Variants in ATF7 observed in about 807,000 individuals in gnomAD.
The protein encoded by ATF7 is activating transcription factor 7, also known as cyclic AMP-dependent transcription factor ATF-7.
A neutral mutation model predicts 50.4 loss-of-function variants in ATF7; 10 were observed. The ratio of observed to expected loss-of-function variants is 0.20; its 90% CI spans 0.12 to 0.34. The LOEUF (loss-of-function observed/expected upper bound fraction) is 0.34, where lower values mean the gene tolerates loss of function less well. Ranked by LOEUF, ATF7 falls within the 10% of genes least tolerant of loss-of-function variation. The pLI is 1.00. For synonymous variants in ATF7, 201 were observed against 226.4 expected, an observed-to-expected ratio of 0.89 and a Z score of 1.01; for missense variants, 465 against 613.9, an observed-to-expected ratio of 0.76 and a Z score of 2.56.
chr12:53,570,262 A>C (rs951621338), intron 2 of ATF7, among the ~76,000 whole-genome samples: 2 of 152,010 alleles, frequency 1.3e-5, no homozygotes, highest in Admixed American at 1.3e-4. Context: ...AGAACCTGCC[A>C]CTCCATTATA....
At position 53,573,599 on chromosome 12, in the gene ATF7, C is replaced by T. The variant is rs183012627; in HGVS notation, c.49-20962G>A. Among the ~76,000 whole-genome samples the T allele has an allele frequency of 1.9e-3, 282 of 152,082 alleles. 2 individuals are homozygous for T. Among genetic ancestry groups the T allele is most frequent in the Non-Finnish European group, 3.3e-3 (221 of 67,996 alleles). On this transcript the variant is annotated intron_variant, in intron 2 of 11. Transcript: ENST00000420353. The stretch of plus-strand genomic sequence containing the variant: ...ATGAGAAACCCATGGATACAGAGGG[C>T]TGACTGTATATAGGGTTTGGTACTA...
At chr12:53,580,753 A>G (rs1454160524) in intron 2 of ATF7, among the ~76,000 whole-genome samples, 1 of 151,992 alleles carries the variant, frequency 6.6e-6, no homozygotes, top group Non-Finnish European at 1.5e-5. Flanking sequence ...AGAAAGAAAG[A>G]TATCAGGAAT....
intron 2 of ATF7, among the ~76,000 whole-genome samples, chr12:53,591,246 T>C (rs894323231): frequency 1.2e-4 from 18 of 151,956 alleles, no homozygotes; most frequent in African/African-American, 4.4e-4. Context: ...TCCCCACCAG[T>C]ACCACGGCTA....
chr12:53,559,433 C>A (rs927278876), intron 2 of ATF7, among the ~76,000 whole-genome samples: 1 of 151,934 alleles, frequency 6.6e-6, no homozygotes, highest in African/African-American at 2.4e-5. Context: ...AATCCCAGCA[C>A]TTTGGGAGGC....
rs529024338 is a variant in ATF7 at position 53,607,271 on chromosome 12, G to A, written c.-21-6250C>T. ...ATTGCCATTCTAACTGGTGTGAGAT[G>A]GTACCTCATTGTGGTTTTGATTTGC... On this transcript the variant is annotated intron_variant, in intron 1 of 11. Coordinates refer to ENST00000420353, the MANE Select transcript of ATF7 (RefSeq NM_006856.3). 1.7e-3 allele frequency among the ~76,000 whole-genome samples: 263 copies of A among 152,242 alleles called. 2 individuals are homozygous for A. The highest frequency in any genetic ancestry group is 5.7e-3 in the African/African-American group (236 of 41,536).
At chr12:53,600,224 C>T (rs369508416) in intron 2 of ATF7, among the ~76,000 whole-genome samples, 1 of 152,230 alleles carries the variant, frequency 6.6e-6, no homozygotes, top group East Asian at 1.9e-4. Flanking sequence ...TTTAAAAAAT[C>T]CAAATAGATT....
intron 2 of ATF7, among the ~76,000 whole-genome samples, chr12:53,576,388 A>G (rs1238171632): frequency 2.0e-5 from 3 of 152,142 alleles, no homozygotes; most frequent in Non-Finnish European, 2.9e-5. Flanking sequence ...TGCAAAATTC[A>G]TGTTGAAACC....
Position 53,524,737 on chromosome 12 carries a change from T to C in ATF7, c.952A>G (p.Ser318Gly), listed in dbSNP as rs765711886. The change falls in exon 10 of 12, where the codon AGT becomes GGT. Residue 318 changes from serine (S) to glycine (G), a missense_variant. Coordinates refer to ENST00000420353, the MANE Select transcript of ATF7 (RefSeq NM_006856.3). The surrounding 1 kb of genome is among the most constrained non-coding windows in gnomAD (Gnocchi z 4.6). The stretch of plus-strand genomic sequence containing the variant: ...GTGCGCCGCCGTCGCCCCCCAGTAC[T>C]AGGGGTGGGCTGAGCTGGTGAGACC... Reference protein sequence around the residue: ...PQVSPAQPTPSTGGRRRRTVD... With the variant: ...PQVSPAQPTPGTGGRRRRTVD... The C allele has an allele frequency of 1.2e-6, 2 of 1,610,286 alleles. No individual in the cohort carries two copies. The highest frequency in any genetic ancestry group is 1.1e-5 in the South Asian group (1 of 90,796).
chr12:53,557,312 C>T (rs1940814347), intron 2 of ATF7, among the ~76,000 whole-genome samples: 1 of 152,142 alleles, frequency 6.6e-6, no homozygotes, highest in Non-Finnish European at 1.5e-5. Context: ...CGCAATCCCC[C>T]CACCCCAGCC....
chr12:53,616,536 C>T (rs964633342), intron 1 of ATF7, among the ~76,000 whole-genome samples: 3 of 151,968 alleles, frequency 2.0e-5, no homozygotes, highest in Non-Finnish European at 2.9e-5. Flanking sequence ...CTTTCATAGA[C>T]TTTCATGATA....
intron 2 of ATF7, 104 bp from the exon 3 acceptor site, chr12:53,552,741 T>G (rs1940459676): frequency 1.2e-6 from 1 of 858,662 alleles, no homozygotes; most frequent in African/African-American, 1.7e-5. Context: ...GATTGGTCCC[T>G]GGAAAGAAGA....
At chr12:53,623,336 T>C (rs1944478453) in intron 1 of ATF7, among the ~76,000 whole-genome samples, 1 of 152,214 alleles carries the variant, frequency 6.6e-6, no homozygotes, top group Admixed American at 6.5e-5. Context: ...AATGAGTAAA[T>C]GTCAGAGAAG....
At chr12:53,542,786 T>A (rs914854755) in intron 4 of ATF7, 30 of 392,834 alleles carry the variant, frequency 7.6e-5, no homozygotes, top group Non-Finnish European at 9.7e-5. Flanking sequence ...CTGGTTGATC[T>A]CCTTTGAAAG....
At chr12:53,564,992 A>G (rs372600453) in intron 2 of ATF7, among the ~76,000 whole-genome samples, 1 of 151,126 alleles carries the variant, frequency 6.6e-6, no homozygotes, top group African/African-American at 2.5e-5. Context: ...AAAAGATTGT[A>G]CACCTCTGTT....
intron 3 of ATF7, among the ~76,000 whole-genome samples, chr12:53,548,391 G>A (rs1387578820): frequency 6.6e-6 from 1 of 152,104 alleles, no homozygotes; most frequent in South Asian, 2.1e-4. Context: ...GAATGCAGTG[G>A]CATGATCATA....
intron 3 of ATF7, among the ~76,000 whole-genome samples, chr12:53,548,147 G>A (rs780967039): frequency 3.3e-5 from 5 of 152,016 alleles, no homozygotes; most frequent in East Asian, 3.9e-4. Context: ...GATTGTAGGC[G>A]TGAGGCACTG....
intron 9 of ATF7, among the ~76,000 whole-genome samples, chr12:53,530,060 T>A (rs1190036933): frequency 6.6e-6 from 1 of 152,078 alleles, no homozygotes; most frequent in Non-Finnish European, 1.5e-5. Flanking sequence ...ATACAAATTT[T>A]AAAAATAAAC....
chr12:53,581,290 C>T (rs1274809551), intron 2 of ATF7, among the ~76,000 whole-genome samples: 1 of 151,944 alleles, frequency 6.6e-6, no homozygotes, highest in Non-Finnish European at 1.5e-5. Flanking sequence ...TGGACGTATC[C>T]AGCAGGCAGA....
At chr12:53,544,397 A>G (rs1161437416) in intron 3 of ATF7, among the ~76,000 whole-genome samples, 1 of 152,240 alleles carries the variant, frequency 6.6e-6, no homozygotes, top group Admixed American at 6.5e-5. Context: ...AATGAATGAC[A>G]GAAATACAGA....
Sources: allele counts gnomAD v4.1 joint callset (sites outside exome capture counted in the v4.1 genomes callset), GRCh38; gene constraint gnomAD v4.1.1; non-coding constraint Gnocchi (gnomAD v3.1); transcripts MANE v1.5; gene names NCBI Gene and HGNC (gene_info 2026-07-23, HGNC 2026-07-21).